Variants in FAF1 observed in about 807,000 individuals in gnomAD.
FAF1 encodes the protein FAS-associated factor 1.
Under a neutral mutation model 92.5 loss-of-function variants are expected in FAF1, and 25 were observed. The ratio of observed to expected loss-of-function variants is 0.27; its 90% confidence interval spans 0.20 to 0.38. FAF1 has a LOEUF of 0.38. Ranked by LOEUF, FAF1 falls within the 10% of genes least tolerant of loss-of-function variation. The probability of loss-of-function intolerance (pLI) is 1.00; values close to 1 mark genes in which losing one functional copy is unlikely to be tolerated. For synonymous variants in FAF1, 234 were observed against 273.2 expected (o/e 0.86, Z 1.42); for missense variants, 636 against 793.3 (o/e 0.80, Z 2.38).
intron 7 of FAF1, among the ~76,000 whole-genome samples, chr1:50,680,752 G>A (rs906778218): frequency 5.9e-5 from 9 of 151,822 alleles, no homozygotes; most frequent in Admixed American, 6.6e-5. Context: ...GTGACCTAAG[G>A]GATCGTCTAG....
At chr1:50,565,857 T>C (rs1650155230) in intron 13 of FAF1, among the ~76,000 whole-genome samples, 1 of 152,074 alleles carries the variant, frequency 6.6e-6, no homozygotes, top group Non-Finnish European at 1.5e-5. Flanking sequence ...GGAGATTCCT[T>C]ACTGCCAGTG....
intron 12 of FAF1, among the ~76,000 whole-genome samples, chr1:50,573,203 A>T (rs1650533228): frequency 6.6e-6 from 1 of 151,446 alleles, no homozygotes; most frequent in Non-Finnish European, 1.5e-5. Context: ...GGTTCAAGTG[A>T]TTCTCCTGCC....
At chr1:50,444,933 G>A (rs1035799935) in intron 18 of FAF1, among the ~76,000 whole-genome samples, 7 of 143,424 alleles carry the variant, frequency 4.9e-5, no homozygotes, top group Non-Finnish European at 9.2e-5. Flanking sequence ...GGTGGGATGG[G>A]TGAACTCTCT....
At chr1:50,749,586 G>A (rs531608715) in intron 4 of FAF1, among the ~76,000 whole-genome samples, 1 of 152,258 alleles carries the variant, frequency 6.6e-6, no homozygotes, top group Admixed American at 6.5e-5. Flanking sequence ...AGAAGTTTGA[G>A]ACCAACATGA....
chr1:50,905,425 G>T (rs975446679), intron 1 of FAF1, among the ~76,000 whole-genome samples: 1 of 152,176 alleles, frequency 6.6e-6, no homozygotes. Flanking sequence ...GGGTCAAATG[G>T]TATTTCTAGT....
chr1:50,683,731 G>C (rs1012240500), intron 7 of FAF1, among the ~76,000 whole-genome samples: 2 of 151,794 alleles, frequency 1.3e-5, no homozygotes, highest in Non-Finnish European at 2.9e-5. Context: ...TAGGGAGTTC[G>C]AGACCAGCCT....
chr1:50,754,872 A>T (rs555412087), intron 4 of FAF1, among the ~76,000 whole-genome samples: 31 of 151,416 alleles, frequency 2.0e-4, no homozygotes, highest in Admixed American at 6.6e-4. Context: ...GTGTAGGGAA[A>T]CTCCTCCTTA....
chr1:50,836,614 A>G (rs1457065005), intron 2 of FAF1, among the ~76,000 whole-genome samples: 1 of 152,200 alleles, frequency 6.6e-6, no homozygotes, highest in African/African-American at 2.4e-5. Flanking sequence ...CATGGATTCA[A>G]TAATTGTTAA....
At chr1:50,850,898 G>T (rs1644342983) in intron 2 of FAF1, among the ~76,000 whole-genome samples, 1 of 152,068 alleles carries the variant, frequency 6.6e-6, no homozygotes, top group Non-Finnish European at 1.5e-5. Flanking sequence ...CTAGCAAGAA[G>T]AATTGCCAAG....
intron 5 of FAF1, among the ~76,000 whole-genome samples, chr1:50,739,855 A>G (rs1659316115): frequency 6.6e-6 from 1 of 152,182 alleles, no homozygotes; most frequent in Admixed American, 6.5e-5. Context: ...TACTATCTTG[A>G]TAAGCACAGA....
rs1473011204 is a variant in FAF1, at chr1:50,841,343, T to TA, written c.114+16585_114+16586insT. Among the ~76,000 whole-genome samples, 6 of 152,124 alleles carry TA rather than the reference T, an allele frequency of 3.9e-5. No homozygotes were observed. The South Asian group carries it at 1.0e-3, about 26-fold the overall frequency. On this transcript the variant is annotated intron_variant, in intron 2 of 18. Transcript: ENST00000396153. ...CAAAAGAGTTTAAGAAAAATTGGTA[T>TA]GTATGTACACATGCTTATATATAGA... is the stretch of plus-strand genomic sequence containing the variant.
chr1:50,569,722 G>T (rs191760902), intron 12 of FAF1, among the ~76,000 whole-genome samples: 1 of 152,206 alleles, frequency 6.6e-6, no homozygotes, highest in Non-Finnish European at 1.5e-5. Context: ...CACTGCAATG[G>T]AACATTTAGA....
chr1:50,684,127 A>C (rs1315785568), intron 7 of FAF1, among the ~76,000 whole-genome samples: 1 of 150,098 alleles, frequency 6.7e-6, no homozygotes, highest in African/African-American at 2.5e-5. Context: ...TTAGTTAAGC[A>C]ATAGATGCCA....
chr1:50,597,712 G>C (rs1485651487), intron 8 of FAF1, among the ~76,000 whole-genome samples: 1 of 152,030 alleles, frequency 6.6e-6, no homozygotes, highest in African/African-American at 2.4e-5. Context: ...GCTATAGTTG[G>C]CAAGAATTTA....
intron 9 of FAF1, among the ~76,000 whole-genome samples, chr1:50,588,690 C>G (rs1371048715): frequency 6.6e-6 from 1 of 151,558 alleles, no homozygotes; most frequent in East Asian, 1.9e-4. Context: ...CCTGTGTGAT[C>G]CTTGACGGCA....
At chr1:50,517,946 T>C (rs982280395) in intron 15 of FAF1, among the ~76,000 whole-genome samples, 2 of 152,236 alleles carry the variant, frequency 1.3e-5, no homozygotes, top group African/African-American at 4.8e-5. Flanking sequence ...TAAATAAACT[T>C]ACTTTTCCTT....
intron 6 of FAF1, among the ~76,000 whole-genome samples, chr1:50,718,074 C>A (rs1328817422): frequency 4.6e-5 from 7 of 151,666 alleles, no homozygotes; most frequent in Non-Finnish European, 1.0e-4. Context: ...GGCTGGAGTG[C>A]AATGGTGTGG....
At chr1:50,852,237 T>C (rs2124659074) in intron 2 of FAF1, among the ~76,000 whole-genome samples, 1 of 152,358 alleles carries the variant, frequency 6.6e-6, no homozygotes, top group East Asian at 1.9e-4. Context: ...GTTGTCCCGC[T>C]CTTTCCTCAA....
rs1653604914 is a variant in FAF1 at position 50,628,325 on chromosome 1, C to T, written c.744+27117G>A. ...TGAACTAGAAACAACATTTTCTGTCCCCATATTCATTGCTCTTTTTCTACA... is the reference window on the plus strand; with the variant it reads ...TGAACTAGAAACAACATTTTCTGTCTCCATATTCATTGCTCTTTTTCTACA... On this transcript the variant is annotated intron_variant, in intron 8 of 18. Coordinates refer to ENST00000396153, the MANE Select transcript of FAF1 (RefSeq NM_007051.3). Among the ~76,000 whole-genome samples, 5 of 152,016 alleles carry T rather than the reference C, an allele frequency of 3.3e-5. No homozygotes were observed. The South Asian group carries it at 8.3e-4, about 25-fold the overall frequency.
Sources: gnomAD v4.1 joint callset for allele counts (sites outside exome capture counted in the v4.1 genomes callset) on GRCh38, gnomAD v4.1.1 for gene constraint, MANE v1.5 for transcripts, NCBI Gene and HGNC (gene_info 2026-07-23, HGNC 2026-07-21) for gene names.